The following KCNK2 variants were observed in gnomAD, a reference collection of about 807,000 sequenced individuals.
KCNK2 encodes potassium two pore domain channel subfamily K member 2.
Under a neutral mutation model 40.5 loss-of-function variants are expected in KCNK2, and 21 were observed. The ratio of observed to expected loss-of-function variants is 0.52; its 90% CI spans 0.37 to 0.75. KCNK2 has a LOEUF of 0.75. Among genes scored for constraint, KCNK2 ranks in the 30% least tolerant of loss-of-function variants. The pLI, the probability that KCNK2 is intolerant of heterozygous loss-of-function variation, is 0.00. For synonymous variants in KCNK2, 191 were observed against 202.2 expected, an observed-to-expected ratio of 0.94 and a Z score of 0.47; for missense variants, 399 against 531.6, an observed-to-expected ratio of 0.75 and a Z score of 2.45.
At chr1:215,186,759 C>T (rs1664454452) in intron 5 of KCNK2, among the ~76,000 whole-genome samples, 1 of 152,126 alleles carries the variant, frequency 6.6e-6, no homozygotes, top group Admixed American at 6.5e-5. Context: ...GTATCTGCTC[C>T]TTCCCGATGG....
chr1:215,187,832 AC>A (rs1664507343), intron 5 of KCNK2, among the ~76,000 whole-genome samples: 1 of 148,696 alleles, frequency 6.7e-6, no homozygotes, highest in African/African-American at 2.5e-5. Flanking sequence ...ACAGAGCAAG[AC>A]CCTGTCTCAA....
At chr1:215,175,157 A>T (rs1199090799) in intron 5 of KCNK2, among the ~76,000 whole-genome samples, 1 of 152,126 alleles carries the variant, frequency 6.6e-6, no homozygotes, top group Non-Finnish European at 1.5e-5. Flanking sequence ...TGCCTAATTT[A>T]TTGAGAGTTT....
In KCNK2 at chr1:215,007,131, G is replaced by GTGTATATATATGTGTATATATATATGTA. The variant is rs1656184930; in HGVS notation, c.34+1188_34+1215dup. ...TATGTGTGTATATATGTATATATATGTGTATATATATGTGTATATATATAT... is the reference window on the plus strand; with the variant it reads ...TATGTGTGTATATATGTATATATATGTGTATATATATGTGTATATATATATGTATGTATATATATGTGTATATATATAT... On this transcript the variant is annotated intron_variant, in intron 1 of 6. Coordinates refer to the KCNK2 transcript ENST00000391895. Among the ~76,000 whole-genome samples, 6 of 114,922 alleles carry GTGTATATATATGTGTATATATATATGTA rather than the reference G, an allele frequency of 5.2e-5. No homozygotes were observed. The Admixed American group carries it at 5.3e-4, about 10-fold the overall frequency. The allele number at this position is 114,922 out of a possible 152,430, so 75.4% of individuals were successfully genotyped here.
At chr1:215,067,320 A>G (rs1413325027) in intron 1 of KCNK2, among the ~76,000 whole-genome samples, 3 of 152,158 alleles carry the variant, frequency 2.0e-5, no homozygotes, top group Non-Finnish European at 4.4e-5. Context: ...TGATATATAT[A>G]ATTTTTTAAA....
intron 1 of KCNK2, among the ~76,000 whole-genome samples, chr1:215,073,126 G>A (rs1025269138): frequency 4.6e-5 from 7 of 152,030 alleles, no homozygotes; most frequent in African/African-American, 7.2e-5. Context: ...GGAGCGCTGC[G>A]TCTACAAGCC....
chr1:215,142,426 T>G (rs1031017406), intron 3 of KCNK2, among the ~76,000 whole-genome samples: 4 of 152,148 alleles, frequency 2.6e-5, no homozygotes, highest in Non-Finnish European at 5.9e-5. Context: ...AGTTAGAAAC[T>G]TAATAGGAAA....
At chr1:215,015,099 G>C (rs1016299587) in intron 1 of KCNK2, among the ~76,000 whole-genome samples, 1 of 152,150 alleles carries the variant, frequency 6.6e-6, no homozygotes, top group African/African-American at 2.4e-5. Flanking sequence ...GAACTTGTGA[G>C]CTGGCTGACA....
intron 1 of KCNK2, among the ~76,000 whole-genome samples, chr1:215,044,231 G>A (rs1212768086): frequency 6.6e-6 from 1 of 151,970 alleles, no homozygotes; most frequent in Non-Finnish European, 1.5e-5. Context: ...GGAGAAAAAG[G>A]GCAACCACAT....
chr1:215,119,115 T>A (rs1661072037), intron 2 of KCNK2, among the ~76,000 whole-genome samples: 1 of 152,176 alleles, frequency 6.6e-6, no homozygotes, highest in Non-Finnish European at 1.5e-5. Context: ...TCCCTATATC[T>A]TCTTCTTTAA....
chr1:215,061,045 CATATAG>C (rs1482037223), intron 1 of KCNK2, among the ~76,000 whole-genome samples: 2 of 151,960 alleles, frequency 1.3e-5, no homozygotes, highest in African/African-American at 4.8e-5. Flanking sequence ...TATACAACAA[CATATAG>C]ATATTATGAT....
intron 3 of KCNK2, among the ~76,000 whole-genome samples, chr1:215,133,381 T>G (rs1661759150): frequency 6.6e-6 from 1 of 152,202 alleles, no homozygotes; most frequent in Non-Finnish European, 1.5e-5. Context: ...TCATTCCCCC[T>G]TCCTAACTTC....
intron 1 of KCNK2, chr1:215,083,682 C>CT: frequency 1.7e-6 from 1 of 577,750 alleles, no homozygotes; most frequent in South Asian, 2.1e-5. Context: ...TTTGGAACAC[C>CT]TTGGGGGAGT....
At chr1:215,013,589 A>G (rs926333421) in intron 1 of KCNK2, among the ~76,000 whole-genome samples, 2 of 152,108 alleles carry the variant, frequency 1.3e-5, no homozygotes, top group African/African-American at 4.8e-5. Context: ...AATTTCTCCT[A>G]TTTGGCTATT....
chr1:215,073,965 T>G (rs1033676915), intron 1 of KCNK2, among the ~76,000 whole-genome samples: 1 of 152,140 alleles, frequency 6.6e-6, no homozygotes, highest in African/African-American at 2.4e-5. Flanking sequence ...TAATGAGAAA[T>G]TCAATACTTC....
chr1:215,006,774 T>G (rs1267480833), intron 1 of KCNK2, among the ~76,000 whole-genome samples: 1 of 151,902 alleles, frequency 6.6e-6, no homozygotes, highest in African/African-American at 2.4e-5. Context: ...GTAATCATTT[T>G]ACAGCAGGGT....
intron 2 of KCNK2, among the ~76,000 whole-genome samples, chr1:215,104,379 A>G (rs1660347554): frequency 6.6e-6 from 1 of 152,128 alleles, no homozygotes; most frequent in East Asian, 1.9e-4. Context: ...AGAGCTAGCT[A>G]TTCCAGCACT....
intron 6 of KCNK2, among the ~76,000 whole-genome samples, chr1:215,197,568 C>G (rs1029723188): frequency 1.3e-5 from 2 of 152,170 alleles, no homozygotes; most frequent in African/African-American, 4.8e-5. Context: ...ACCTTAATTA[C>G]CTTCTTTAAA....
At chr1:215,027,655 C>T (rs2841597) in intron 1 of KCNK2, among the ~76,000 whole-genome samples, 66,676 of 152,054 alleles carry the variant, frequency 0.44, 16,324 homozygotes, top group Non-Finnish European at 0.55. Context: ...TTCACATGTA[C>T]ATTCCTCCGT....
intron 2 of KCNK2, among the ~76,000 whole-genome samples, chr1:215,105,521 A>G (rs1660398267): frequency 6.6e-6 from 1 of 152,126 alleles, no homozygotes. Context: ...TAATGCTGCA[A>G]TAAACATGGA....
Sources: gnomAD v4.1 joint callset for allele counts (sites outside exome capture counted in the v4.1 genomes callset) on GRCh38, gnomAD v4.1.1 for gene constraint, MANE v1.5 for transcripts, NCBI Gene and HGNC (gene_info 2026-07-23, HGNC 2026-07-21) for gene names.